Variants in GALNT5 observed in about 807,000 individuals in gnomAD.
GALNT5 encodes UDP-GalNAc:polypeptide N-acetylgalactosaminyltransferase 5.
A neutral mutation model predicts 85.4 loss-of-function variants in GALNT5; 72 were observed. That is an observed-to-expected ratio of 0.84 (90% CI 0.70 to 1.03). GALNT5 has a LOEUF of 1.03. Ranked by LOEUF, GALNT5 falls within the 50% of genes least tolerant of loss-of-function variation. GALNT5 has a pLI of 0.00. For synonymous variants in GALNT5, 404 were observed against 397.0 expected (o/e 1.02, Z -0.21); for missense variants, 1,137 against 1,135.5 (o/e 1.00, Z -0.02).
At chr2:157,309,665 G>T (rs1022655955) in intron 9 of GALNT5, among the ~76,000 whole-genome samples, 2 of 152,152 alleles carry the variant, frequency 1.3e-5, no homozygotes, top group Non-Finnish European at 2.9e-5. Flanking sequence ...AGGTGCCTCC[G>T]TTCCTTTTAA....
chr2:157,310,593 GA>G (rs1275001939), intron 9 of GALNT5, among the ~76,000 whole-genome samples: 8 of 152,062 alleles, frequency 5.3e-5, no homozygotes, highest in African/African-American at 1.9e-4. Context: ...ATTTATAGAT[GA>G]AAAAATATAT....
chr2:157,274,231 T>C (rs1341723362), intron 1 of GALNT5, among the ~76,000 whole-genome samples: 5 of 152,220 alleles, frequency 3.3e-5, no homozygotes, highest in East Asian at 1.9e-4. Context: ...TTGATGGACA[T>C]TTAGGTTGGT....
At chr2:157,289,391 T>C (rs1683044773) in intron 3 of GALNT5, among the ~76,000 whole-genome samples, 1 of 152,232 alleles carries the variant, frequency 6.6e-6, no homozygotes, top group Non-Finnish European at 1.5e-5. Flanking sequence ...ATGGCTTGTG[T>C]AGAAATAAAT....
intron 1 of GALNT5, among the ~76,000 whole-genome samples, chr2:157,270,519 A>G (rs888004843): frequency 6.6e-6 from 1 of 152,146 alleles, no homozygotes; most frequent in Non-Finnish European, 1.5e-5. Context: ...TTCTCATCCC[A>G]TGTGCATAAA....
chr2:157,262,819 C>CTTTT (rs535380585), intron 1 of GALNT5, among the ~76,000 whole-genome samples: 5 of 100,946 alleles, frequency 5.0e-5, no homozygotes, highest in South Asian at 6.3e-4. Flanking sequence ...TTTCACAACT[C>CTTTT]TTTTTTTTTT....
In GALNT5 at chr2:157,312,199, G is replaced by A. The variant is rs1313318249; in HGVS notation, c.*851G>A. On this transcript the variant is annotated 3_prime_UTR_variant, in exon 10 of 10. Coordinates refer to ENST00000259056, the MANE Select transcript of GALNT5 (RefSeq NM_014568.3). Reference sequence around the variant, plus strand: ...TAAGCATTGAATGCACTCTAGTGCAGGGCCAAGTAAGAGGAGTTGAAATGA... The same window carrying A: ...TAAGCATTGAATGCACTCTAGTGCAAGGCCAAGTAAGAGGAGTTGAAATGA... The A allele has an allele frequency of 6.6e-6, 1 of 152,142 alleles. No homozygotes were observed. The highest frequency in any genetic ancestry group is 1.5e-5 in the Non-Finnish European group (1 of 68,032). The allele number at this position is 152,142 out of a possible 1,614,324, so 9.4% of individuals were successfully genotyped here.
chr2:157,273,587 GA>G (rs1482634397), intron 1 of GALNT5, among the ~76,000 whole-genome samples: 8 of 141,524 alleles, frequency 5.7e-5, no homozygotes, highest in African/African-American at 2.2e-4. Flanking sequence ...GAGGGATAGG[GA>G]AGCCATTTTA....
Position 157,259,133 on chromosome 2 carries a change from T to C in GALNT5, c.1051T>C (p.Leu351=), listed in dbSNP as rs374092725. Residue 351 remains leucine (L), a synonymous_variant, in exon 1 of 10, where the codon TTG becomes CTG. Transcript: ENST00000259056. ...SKTKTIFPKV[L]GKSQSKHISR... ...AACCAAAACAATATTTCCTAAAGTA[T>C]TGGGTAAAAGCCAAAGTAAACACAT... 1.7e-5 allele frequency: 25 copies of C among 1,484,762 alleles called. No homozygotes were observed. Among genetic ancestry groups the C allele is most frequent in the Admixed American group, 2.3e-5 (1 of 42,966 alleles). 92.0% of individuals were successfully genotyped at this position (1,484,762 alleles called of 1,614,324 possible). A position where few individuals can be genotyped will look rare whatever the true frequency, so the allele number is the denominator to read the frequency against.
chr2:157,291,154 A>G (rs574417127), intron 3 of GALNT5, among the ~76,000 whole-genome samples: 1 of 152,330 alleles, frequency 6.6e-6, no homozygotes, highest in South Asian at 2.1e-4. Context: ...CCTTCCTAGT[A>G]TGGAACAGAC....
chr2:157,260,559 A>G (rs1682315622), intron 1 of GALNT5, among the ~76,000 whole-genome samples: 1 of 152,238 alleles, frequency 6.6e-6, no homozygotes, highest in African/African-American at 2.4e-5. Context: ...TCAGTTCCCT[A>G]AGTCAAACAA....
chr2:157,260,793 C>T (rs554499608), intron 1 of GALNT5, among the ~76,000 whole-genome samples: 14 of 152,278 alleles, frequency 9.2e-5, no homozygotes, highest in African/African-American at 3.1e-4. Context: ...ACAACCAGGT[C>T]GTTTTCCATC....
In GALNT5 at chr2:157,295,669, T is replaced by C. The variant is rs1258363571; in HGVS notation, c.1748T>C (p.Val583Ala). The C allele has an allele frequency of 4.3e-6, 7 of 1,612,866 alleles. No individual in the cohort carries two copies. Among genetic ancestry groups the C allele is most frequent in the East Asian group, 4.5e-5 (2 of 44,846 alleles). ...TGTGTGTTTGGCCCTCTAGGTGATG[T>C]GTTGACATTTTTAGATTCTCATGTG... ...LAGAQNATGD[V>A]LTFLDSHVEC... The change falls in exon 4 of 10, where the codon GTG (valine) becomes GCG (alanine). Residue 583 changes from valine (V) to alanine (A), a missense_variant. Physicochemically the swap from Val to Ala is moderately conservative, Grantham distance 64. Transcript: ENST00000259056.
chr2:157,308,496 C>A, intron 8 of GALNT5, 71 bp from the exon 9 acceptor site: 1 of 1,193,168 alleles, frequency 8.4e-7, no homozygotes, highest in Non-Finnish European at 1.2e-6. Context: ...CTGTTGCTAA[C>A]AAAAATGTTT....
At chr2:157,281,612 A>AAAAG (rs144291251) in intron 1 of GALNT5, among the ~76,000 whole-genome samples, 2 of 152,034 alleles carry the variant, frequency 1.3e-5, no homozygotes, top group Non-Finnish European at 2.9e-5. Flanking sequence ...ATTTCAGAAA[A>AAAAG]AAAGAAAGAA....
Position 157,258,056 on chromosome 2 carries a change from G to A in GALNT5, c.-27G>A, listed in dbSNP as rs1272918866. On this transcript the variant is annotated 5_prime_UTR_variant, in exon 1 of 10. Transcript: ENST00000259056. The stretch of plus-strand genomic sequence containing the variant: ...CTCAAGGTAAGCAGGCTAAGGGAGG[G>A]CAGGCTGCTAGGGAAAGCTTTGTAC... 4.4e-6 allele frequency: 7 copies of A among 1,608,844 alleles called. No homozygotes were observed. The highest frequency in any genetic ancestry group is 1.7e-5 in the Admixed American group (1 of 59,980).
At position 157,259,165 on chromosome 2, in the gene GALNT5, G is replaced by C; in HGVS notation, c.1083G>C (p.Arg361Ser). The stretch of plus-strand genomic sequence containing the variant: ...AAAGCCAAAGTAAACACATTTCCAG[G>C]AATAGAAGTGAGATGTCTTCCTCTT... ...LGKSQSKHISRNRSEMSSSSL... is the reference protein window; with the variant it reads ...LGKSQSKHISSNRSEMSSSSL... The change falls in exon 1 of 10, where the codon AGG (arginine) becomes AGC (serine). Residue 361 changes from arginine to serine, a missense_variant. Transcript: ENST00000259056. 1.3e-6 allele frequency: 2 copies of C among 1,516,186 alleles called. No individual in the cohort carries two copies. The highest frequency in any genetic ancestry group is 1.8e-6 in the Non-Finnish European group (2 of 1,134,438). 93.9% of individuals were successfully genotyped at this position (1,516,186 alleles called of 1,614,324 possible). A position where few individuals can be genotyped will look rare whatever the true frequency, so the allele number is the denominator to read the frequency against.
chr2:157,291,508 T>A (rs1193679718), intron 3 of GALNT5, among the ~76,000 whole-genome samples: 1 of 152,140 alleles, frequency 6.6e-6, no homozygotes, highest in African/African-American at 2.4e-5. Flanking sequence ...ATCCTAGACA[T>A]AACCATCTAG....
chr2:157,260,227 T>C (rs756518930), intron 1 of GALNT5, among the ~76,000 whole-genome samples: 1 of 152,192 alleles, frequency 6.6e-6, no homozygotes, highest in African/African-American at 2.4e-5. Context: ...ATTCACTATT[T>C]ACAAAGAGCC....
intron 1 of GALNT5, among the ~76,000 whole-genome samples, chr2:157,276,761 C>CA (rs1349672110): frequency 2.6e-4 from 40 of 152,090 alleles, no homozygotes; most frequent in African/African-American, 9.2e-4. Flanking sequence ...TTGATCTTTT[C>CA]AAAAAACTAG....
Sources: allele counts gnomAD v4.1 joint callset (sites outside exome capture counted in the v4.1 genomes callset), GRCh38; gene constraint gnomAD v4.1.1; transcripts MANE v1.5; gene names NCBI Gene and HGNC (gene_info 2026-07-23, HGNC 2026-07-21).